PTPRD: variants seen among roughly 807,000 people sequenced by gnomAD.
PTPRD encodes receptor-type tyrosine-protein phosphatase delta.
In PTPRD, 34 loss-of-function variants were observed where a neutral mutation model predicts 214.5. That is an observed-to-expected ratio of 0.16 (90% CI 0.12 to 0.21). The LOEUF is 0.21. PTPRD is among the 10% of genes least tolerant of loss of function. The probability of loss-of-function intolerance (pLI) is 1.00; values close to 1 mark genes in which losing one functional copy is unlikely to be tolerated. For synonymous variants in PTPRD, 1,128 were observed against 845.7 expected (o/e 1.33, Z -5.79); for missense variants, 2,545 against 2,398.7 (o/e 1.06, Z -1.27).
chr9:10,450,686 C>T (rs993767288), intron 2 of PTPRD, among the ~76,000 whole-genome samples: 4 of 151,900 alleles, frequency 2.6e-5, no homozygotes, highest in Non-Finnish European at 4.4e-5. Flanking sequence ...TTCCTCAGTC[C>T]GTGCACTGAT....
At chr9:8,610,975 T>C (rs1160590491) in intron 14 of PTPRD, among the ~76,000 whole-genome samples, 2 of 152,190 alleles carry the variant, frequency 1.3e-5, no homozygotes, top group African/African-American at 4.8e-5. Context: ...CAACAACCAT[T>C]ATGGTTTTAT....
intron 10 of PTPRD, among the ~76,000 whole-genome samples, chr9:9,143,273 A>G (rs900844392): frequency 1.3e-5 from 2 of 152,220 alleles, no homozygotes; most frequent in Non-Finnish European, 2.9e-5. Context: ...AGGATTTGAT[A>G]CATAGAAAAT....
intron 11 of PTPRD, among the ~76,000 whole-genome samples, chr9:8,815,944 G>C (rs1309692797): frequency 1.3e-5 from 2 of 152,162 alleles, no homozygotes; most frequent in Admixed American, 6.5e-5. Context: ...GGTGGTACTT[G>C]AGTGATTTGA....
At chr9:8,696,907 G>A (rs1364878841) in intron 12 of PTPRD, among the ~76,000 whole-genome samples, 1 of 152,154 alleles carries the variant, frequency 6.6e-6, no homozygotes, top group East Asian at 1.9e-4. Flanking sequence ...ACACAGAGGT[G>A]CACAGAAGAA....
At chr9:8,508,921 G>GTC (rs1450604470) in intron 21 of PTPRD, among the ~76,000 whole-genome samples, 3 of 144,868 alleles carry the variant, frequency 2.1e-5, no homozygotes, top group African/African-American at 7.8e-5. Context: ...GTGTGTGTGT[G>GTC]TGTGTAAAGG....
intron 14 of PTPRD, among the ~76,000 whole-genome samples, chr9:8,533,032 T>C (rs977018790): frequency 6.6e-5 from 10 of 152,094 alleles, no homozygotes; most frequent in Admixed American, 6.6e-4. Context: ...CACTGTTTTG[T>C]AGGTAGTCAT....
intron 11 of PTPRD, among the ~76,000 whole-genome samples, chr9:8,889,741 C>T (rs1325320183): frequency 6.6e-6 from 1 of 152,032 alleles, no homozygotes; most frequent in Non-Finnish European, 1.5e-5. Context: ...AGTTACTTCA[C>T]TTAGAATAAT....
At chr9:8,692,148 A>G (rs1441340551) in intron 12 of PTPRD, among the ~76,000 whole-genome samples, 1 of 152,202 alleles carries the variant, frequency 6.6e-6, no homozygotes, top group Non-Finnish European at 1.5e-5. Context: ...ACTTACATAG[A>G]TTAGTAATAA....
At chr9:8,845,209 C>A (rs2097665706) in intron 11 of PTPRD, among the ~76,000 whole-genome samples, 1 of 151,416 alleles carries the variant, frequency 6.6e-6, no homozygotes, top group African/African-American at 2.4e-5. Flanking sequence ...ATTCTGTGTT[C>A]CTCTGAGACC....
At chr9:10,222,429 C>T (rs1431106280) in intron 3 of PTPRD, among the ~76,000 whole-genome samples, 1 of 152,076 alleles carries the variant, frequency 6.6e-6, no homozygotes, top group East Asian at 1.9e-4. Context: ...GTTATCTAAA[C>T]ACCCTTAATA....
intron 11 of PTPRD, among the ~76,000 whole-genome samples, chr9:8,844,350 A>T (rs1005292942): frequency 1.3e-5 from 2 of 152,172 alleles, no homozygotes; most frequent in African/African-American, 4.8e-5. Flanking sequence ...AGATTTTCAC[A>T]ATCAGAAAAG....
chr9:8,749,318 G>C (rs2093272291), intron 11 of PTPRD, among the ~76,000 whole-genome samples: 1 of 152,126 alleles, frequency 6.6e-6, no homozygotes, highest in Admixed American at 6.5e-5. Flanking sequence ...TCCCTGAGCA[G>C]CTGGGATTAC....
At chr9:9,399,201 G>A (rs536499843) in intron 8 of PTPRD, among the ~76,000 whole-genome samples, 25 of 152,094 alleles carry the variant, frequency 1.6e-4, no homozygotes, top group Middle Eastern at 3.4e-3. Flanking sequence ...AAAATTTTAA[G>A]TAACAGAAGT....
chr9:9,712,189 ATTTAC>A (rs2097749542), intron 7 of PTPRD, among the ~76,000 whole-genome samples: 1 of 152,112 alleles, frequency 6.6e-6, no homozygotes, highest in Non-Finnish European at 1.5e-5. Context: ...CTTACTTCTG[ATTTAC>A]TTTATCAATG....
At chr9:8,714,312 T>TTTTG (rs1326659522) in intron 12 of PTPRD, among the ~76,000 whole-genome samples, 2 of 148,414 alleles carry the variant, frequency 1.3e-5, no homozygotes, top group African/African-American at 2.4e-5. Flanking sequence ...ATTGGGTTTT[T>TTTTG]TTTTGTTTTG....
At chr9:8,772,416 A>G (rs1377150656) in intron 11 of PTPRD, among the ~76,000 whole-genome samples, 1 of 151,618 alleles carries the variant, frequency 6.6e-6, no homozygotes, top group Middle Eastern at 3.2e-3. Context: ...TAAAAACCTC[A>G]AGCAGAAGAA....
At chr9:9,952,414 C>T (rs961843344) in intron 4 of PTPRD, among the ~76,000 whole-genome samples, 2 of 152,092 alleles carry the variant, frequency 1.3e-5, no homozygotes, top group Non-Finnish European at 2.9e-5. Flanking sequence ...AAATGGTGTT[C>T]CTGGGGCAAG....
chr9:8,421,010 G>T (rs1487965680), intron 35 of PTPRD, among the ~76,000 whole-genome samples: 1 of 152,030 alleles, frequency 6.6e-6, no homozygotes, highest in Non-Finnish European at 1.5e-5. Context: ...AAAGCCAAAG[G>T]TGAATTCTCC....
chr9:8,780,345 C>T (rs1207367252), intron 11 of PTPRD, among the ~76,000 whole-genome samples: 1 of 148,350 alleles, frequency 6.7e-6, no homozygotes, highest in Non-Finnish European at 1.5e-5. Flanking sequence ...AAAAATATTC[C>T]TTAAATACCA....
Sources: allele counts gnomAD v4.1 joint callset (sites outside exome capture counted in the v4.1 genomes callset), GRCh38; gene constraint gnomAD v4.1.1; transcripts MANE v1.5; gene names NCBI Gene and HGNC (gene_info 2026-07-23, HGNC 2026-07-21).